ADAMTS17: variants seen among roughly 807,000 people sequenced by gnomAD.
The protein encoded by ADAMTS17 is A disintegrin and metalloproteinase with thrombospondin motifs 17.
ADAMTS17 carries 113 observed loss-of-function variants against 141.5 expected under a neutral mutation model. That is an observed-to-expected ratio of 0.80 (90% CI 0.69 to 0.93). The LOEUF is 0.93. ADAMTS17 is among the 40% of genes least tolerant of loss of function. The pLI is 0.00. For missense variants in ADAMTS17, 1,659 were observed against 1,517.9 expected (o/e 1.09, Z -1.54); for synonymous variants, 768 against 630.6 (o/e 1.22, Z -3.27).
intron 18 of ADAMTS17, among the ~76,000 whole-genome samples, chr15:100,021,592 C>T (rs2061408164): frequency 6.6e-6 from 1 of 152,202 alleles, no homozygotes; most frequent in Admixed American, 6.5e-5. Flanking sequence ...ATATCCTGAG[C>T]CCAGCATTCC....
At chr15:100,253,458 A>AG (rs1567434062) in intron 7 of ADAMTS17, among the ~76,000 whole-genome samples, 1 of 19,602 alleles carries the variant, frequency 5.1e-5, no homozygotes, top group South Asian at 4.6e-3. Context: ...GGGAAGGTAG[A>AG]GGGGGAGGGG....
intron 10 of ADAMTS17, among the ~76,000 whole-genome samples, chr15:100,145,976 C>A (rs538569952): frequency 2.6e-5 from 4 of 152,172 alleles, no homozygotes; most frequent in Non-Finnish European, 5.9e-5. Context: ...AGTTCGTGAC[C>A]AGCCTAGCCA....
At chr15:100,205,454 C>T (rs139668675) in intron 7 of ADAMTS17, among the ~76,000 whole-genome samples, 108 of 152,254 alleles carry the variant, frequency 7.1e-4, no homozygotes, top group Non-Finnish European at 1.0e-3. Flanking sequence ...ATGGAGATAT[C>T]GTGCAGATTA....
chr15:100,235,513 G>A (rs953602372), intron 7 of ADAMTS17, among the ~76,000 whole-genome samples: 1 of 151,974 alleles, frequency 6.6e-6, no homozygotes, highest in Admixed American at 6.6e-5. Context: ...AAAATTAAGC[G>A]TGTGTCAGAA....
At chr15:100,197,878 C>G (rs2041179652) in intron 8 of ADAMTS17, among the ~76,000 whole-genome samples, 1 of 152,184 alleles carries the variant, frequency 6.6e-6, no homozygotes, top group Non-Finnish European at 1.5e-5. Context: ...TTTGCAGGGA[C>G]ATGGATGAAG....
chr15:100,190,203 C>T (rs958277252), intron 8 of ADAMTS17, among the ~76,000 whole-genome samples: 3 of 152,208 alleles, frequency 2.0e-5, no homozygotes, highest in African/African-American at 7.2e-5. Context: ...CCAAGAAAGG[C>T]CATTCCCAGA....
chr15:100,140,456 CACACACACACACAG>C (rs1567240770), intron 10 of ADAMTS17, among the ~76,000 whole-genome samples: 1 of 138,614 alleles, frequency 7.2e-6, no homozygotes, highest in Non-Finnish European at 1.5e-5. Flanking sequence ...CTCCAAGACA[CACACACACACACAG>C]ACACACACAC....
intron 7 of ADAMTS17, among the ~76,000 whole-genome samples, chr15:100,247,413 A>G (rs1160888146): frequency 6.6e-6 from 1 of 152,130 alleles, no homozygotes; most frequent in Non-Finnish European, 1.5e-5. Flanking sequence ...CTTTTTGACA[A>G]CCCAAAACCA....
chr15:100,111,213 G>T (rs1460174092), intron 13 of ADAMTS17, among the ~76,000 whole-genome samples: 4 of 152,180 alleles, frequency 2.6e-5, no homozygotes, highest in Admixed American at 6.5e-5. Flanking sequence ...ACAGACACGT[G>T]ATGTTTGCTT....
intron 3 of ADAMTS17, among the ~76,000 whole-genome samples, chr15:100,285,144 C>G (rs946620351): frequency 3.3e-5 from 5 of 152,202 alleles, no homozygotes; most frequent in Admixed American, 2.0e-4. Context: ...TACTATTTTT[C>G]TTACATCTCT....
intron 3 of ADAMTS17, among the ~76,000 whole-genome samples, chr15:100,286,569 C>T (rs1773734569): frequency 6.6e-6 from 1 of 152,164 alleles, no homozygotes; most frequent in African/African-American, 2.4e-5. Context: ...CTGAGCTGAG[C>T]CTTAGCCCTC....
chr15:100,243,803 AG>A (rs66699567), intron 7 of ADAMTS17, among the ~76,000 whole-genome samples: 61,594 of 134,102 alleles, frequency 0.46, 14,417 homozygotes, highest in South Asian at 0.54. Context: ...AAAAAAAAAA[AG>A]AAAGAAAAGA....
At chr15:100,268,878 T>C (rs1380462762) in intron 4 of ADAMTS17, among the ~76,000 whole-genome samples, 2 of 152,118 alleles carry the variant, frequency 1.3e-5, no homozygotes, top group Non-Finnish European at 2.9e-5. Context: ...GACTTCAAAC[T>C]ATACTAGAAG....
intron 2 of ADAMTS17, among the ~76,000 whole-genome samples, chr15:100,340,156 C>A (rs1467588161): frequency 6.6e-6 from 1 of 152,370 alleles, no homozygotes; most frequent in East Asian, 1.9e-4. Flanking sequence ...ATCTGCCGGC[C>A]ATGTGTGCGG....
At chr15:100,049,636 G>A (rs1039281402) in intron 17 of ADAMTS17, among the ~76,000 whole-genome samples, 2 of 152,118 alleles carry the variant, frequency 1.3e-5, no homozygotes, top group African/African-American at 2.4e-5. Flanking sequence ...AACACTGCAC[G>A]GCCATGCCTT....
chr15:100,278,826 A>G (rs1227570280), intron 4 of ADAMTS17, among the ~76,000 whole-genome samples: 1 of 152,190 alleles, frequency 6.6e-6, no homozygotes, highest in Non-Finnish European at 1.5e-5. Flanking sequence ...GTTAGGGGAA[A>G]GAAAGGCTTG....
At chr15:100,228,658 A>C (rs2042383275) in intron 7 of ADAMTS17, among the ~76,000 whole-genome samples, 1 of 152,234 alleles carries the variant, frequency 6.6e-6, no homozygotes. Flanking sequence ...TGAGGGCATG[A>C]AACGTCAAAT....
At chr15:100,306,256 T>C (rs2141836989) in intron 3 of ADAMTS17, 1 of 341,464 alleles carries the variant, frequency 2.9e-6, no homozygotes, top group Non-Finnish European at 5.8e-6. Context: ...CCCTTGAACC[T>C]GGGTAGGTTT....
chr15:100,107,087 T>A (rs145009344), intron 14 of ADAMTS17, among the ~76,000 whole-genome samples: 2 of 152,284 alleles, frequency 1.3e-5, no homozygotes, highest in Non-Finnish European at 2.9e-5. Context: ...AAATCCCAGT[T>A]TCAGACTGAT....
Sources: allele counts gnomAD v4.1 joint callset (sites outside exome capture counted in the v4.1 genomes callset), GRCh38; gene constraint gnomAD v4.1.1; transcripts MANE v1.5; gene names NCBI Gene and HGNC (gene_info 2026-07-23, HGNC 2026-07-21).